SHLD2: variants seen among roughly 807,000 people sequenced by gnomAD.
The protein encoded by SHLD2 is shieldin complex subunit 2.
SHLD2 carries 30 observed loss-of-function variants against 73.2 expected under a neutral mutation model. The observed-to-expected ratio is 0.41, with a 90% CI of 0.31 to 0.56. SHLD2 has a LOEUF of 0.56. SHLD2 is among the 20% of genes least tolerant of loss of function. The pLI is 0.28. For missense variants in SHLD2, 745 were observed against 1,055.9 expected (o/e 0.71, Z 4.08); for synonymous variants, 285 against 370.1 (o/e 0.77, Z 2.64).
chr10:87,159,321 C>A (rs1026752123), intron 4 of SHLD2, among the ~76,000 whole-genome samples: 2 of 152,138 alleles, frequency 1.3e-5, no homozygotes, highest in Admixed American at 1.3e-4. Context: ...TGACATATTT[C>A]ATAGACAACT....
At chr10:87,147,296 G>C (rs1845696249) in intron 2 of SHLD2, among the ~76,000 whole-genome samples, 1 of 152,022 alleles carries the variant, frequency 6.6e-6, no homozygotes, top group Admixed American at 6.6e-5. Context: ...GTAGTTATAT[G>C]AATGGGATTG....
At chr10:87,099,643 T>G (rs905791646) in intron 2 of SHLD2, among the ~76,000 whole-genome samples, 29 of 152,370 alleles carry the variant, frequency 1.9e-4, no homozygotes, top group African/African-American at 7.0e-4. Flanking sequence ...GCATATGTTT[T>G]CAGTTCTCTT....
At chr10:87,163,994 G>C (rs1431731657) in intron 4 of SHLD2, among the ~76,000 whole-genome samples, 5 of 140,356 alleles carry the variant, frequency 3.6e-5, no homozygotes, top group African/African-American at 1.3e-4. Context: ...CTCTTGTTCT[G>C]TCACCCAGGC....
chr10:87,132,587 C>A (rs562669740), intron 2 of SHLD2, among the ~76,000 whole-genome samples: 75 of 152,154 alleles, frequency 4.9e-4, no homozygotes, highest in African/African-American at 1.6e-3. Context: ...CCAGCCAGGG[C>A]AACATGGTGA....
intron 2 of SHLD2, among the ~76,000 whole-genome samples, chr10:87,097,234 GCTT>G (rs1409865469): frequency 6.6e-6 from 1 of 152,116 alleles, no homozygotes; most frequent in East Asian, 1.9e-4. Flanking sequence ...GTTTAACTTT[GCTT>G]CTTCTGTGAC....
At chr10:87,108,432 G>A (rs548936955) in intron 2 of SHLD2, among the ~76,000 whole-genome samples, 9 of 152,026 alleles carry the variant, frequency 5.9e-5, no homozygotes, top group African/African-American at 1.9e-4. Context: ...GTGATCCACC[G>A]CCCCTTGGCC....
chr10:87,127,524 T>TCCC (rs1844092990), intron 2 of SHLD2, among the ~76,000 whole-genome samples: 8 of 57,186 alleles, frequency 1.4e-4, no homozygotes, highest in African/African-American at 3.8e-4. Context: ...TTGTCCCTCT[T>TCCC]ACCCGCCCCC....
intron 2 of SHLD2, among the ~76,000 whole-genome samples, chr10:87,117,529 C>T (rs1467324289): frequency 6.6e-6 from 1 of 152,160 alleles, no homozygotes; most frequent in East Asian, 1.9e-4. Context: ...CGTGGTGGCT[C>T]ACGCCTATAA....
In SHLD2 at chr10:87,151,539, A is replaced by G; in HGVS notation, c.185A>G (p.Tyr62Cys). Residue 62 changes from tyrosine to cysteine, a missense_variant, in exon 3 of 10, where the codon TAT becomes TGT. Tyr to Cys is a radical substitution (Grantham distance 194). Coordinates refer to ENST00000298786, the MANE Select transcript of SHLD2 (RefSeq NM_001330112.2). ...AAACAGCACAAAAATCTTGAAAACT[A>G]TAAAGTCCCAGAATCTATTGGTTCT... Reference protein sequence around the residue: ...DEKQHKNLENYKVPESIGSPD... With the variant: ...DEKQHKNLENCKVPESIGSPD... The G allele has an allele frequency of 6.2e-7, 1 of 1,611,370 alleles. No individual in the cohort carries two copies. The highest frequency in any genetic ancestry group is 8.5e-7 in the Non-Finnish European group (1 of 1,179,656).
intron 2 of SHLD2, among the ~76,000 whole-genome samples, chr10:87,130,168 G>C (rs1844325045): frequency 6.6e-6 from 1 of 152,062 alleles, no homozygotes; most frequent in Admixed American, 6.6e-5. Flanking sequence ...CTGATTGGAA[G>C]CTCTTAGTAC....
intron 2 of SHLD2, among the ~76,000 whole-genome samples, chr10:87,112,228 A>G (rs2134011150): frequency 7.2e-6 from 1 of 138,430 alleles, no homozygotes; most frequent in Non-Finnish European, 1.6e-5. Flanking sequence ...ACAGAGCGAG[A>G]CTCCGTCTCA....
At chr10:87,094,925 T>TA (rs1269512802), upstream of SHLD2, 10 of 410,538 alleles carry the variant, frequency 2.4e-5, no homozygotes, top group Non-Finnish European at 4.2e-5. This position sits in a 1 kb window ranked among gnomAD's most constrained non-coding sequence, Gnocchi z 6.6. Flanking sequence ...GCTCGCCACC[T>TA]AACGGGGAGG....
chr10:87,127,461 C>A (rs1490939468), intron 2 of SHLD2, among the ~76,000 whole-genome samples: 1 of 134,476 alleles, frequency 7.4e-6, no homozygotes, highest in Non-Finnish European at 1.6e-5. Context: ...TTCACTAATT[C>A]TTTACTAGTT....
chr10:87,111,097 C>G (rs1842890691), intron 2 of SHLD2, among the ~76,000 whole-genome samples: 1 of 152,092 alleles, frequency 6.6e-6, no homozygotes, highest in African/African-American at 2.4e-5. Flanking sequence ...CCACTGTGGC[C>G]TCCCAACGTG....
At chr10:87,158,684 T>G (rs761273724) in intron 4 of SHLD2, among the ~76,000 whole-genome samples, 258 of 152,312 alleles carry the variant, frequency 1.7e-3, no homozygotes, top group Middle Eastern at 3.4e-3. Flanking sequence ...CAGTTTTCTC[T>G]TCTTTAAAAG....
intron 2 of SHLD2, among the ~76,000 whole-genome samples, chr10:87,142,955 T>C (rs1292897016): frequency 7.2e-6 from 1 of 138,364 alleles, no homozygotes; most frequent in African/African-American, 2.8e-5. Context: ...TTAGAGACAG[T>C]GTCTCACTCT....
intron 2 of SHLD2, among the ~76,000 whole-genome samples, chr10:87,128,463 C>T (rs1844197157): frequency 6.6e-6 from 1 of 152,212 alleles, no homozygotes; most frequent in African/African-American, 2.4e-5. Context: ...TCATAGTGCC[C>T]AGCAATTATC....
intron 2 of SHLD2, among the ~76,000 whole-genome samples, chr10:87,128,338 A>G (rs995627071): frequency 6.6e-6 from 1 of 152,184 alleles, no homozygotes; most frequent in Non-Finnish European, 1.5e-5. Flanking sequence ...CAGTTGTCCA[A>G]ATTTCCCATT....
At chr10:87,146,933 G>A (rs1199338432) in intron 2 of SHLD2, among the ~76,000 whole-genome samples, 2 of 151,438 alleles carry the variant, frequency 1.3e-5, no homozygotes, top group African/African-American at 4.9e-5. Flanking sequence ...GTGCATGCCT[G>A]TAATCTCAGC....
Sources: allele counts gnomAD v4.1 joint callset (sites outside exome capture counted in the v4.1 genomes callset), GRCh38; gene constraint gnomAD v4.1.1; non-coding constraint Gnocchi (gnomAD v3.1); transcripts MANE v1.5; gene names NCBI Gene and HGNC (gene_info 2026-07-23, HGNC 2026-07-21).